The following SCAF8 variants were observed in gnomAD, a reference collection of about 807,000 sequenced individuals.
The protein encoded by SCAF8 is SR-related and CTD-associated factor 8.
In SCAF8, 23 loss-of-function variants were observed where a neutral mutation model predicts 140.5. That is an observed-to-expected ratio of 0.16 (90% confidence interval 0.12 to 0.23). The LOEUF is 0.23. Ranked by LOEUF, SCAF8 falls within the 10% of genes least tolerant of loss-of-function variation. The probability of loss-of-function intolerance (pLI) is 1.00; values close to 1 mark genes in which losing one functional copy is unlikely to be tolerated. For missense variants in SCAF8, 1,397 were observed against 1,555.7 expected (o/e 0.90, Z 1.72); for synonymous variants, 575 against 528.9 (o/e 1.09, Z -1.20).
intron 1 of SCAF8, among the ~76,000 whole-genome samples, chr6:154,769,172 A>G (rs79166314): frequency 3.3e-5 from 5 of 152,206 alleles, no homozygotes; most frequent in Non-Finnish European, 7.4e-5. Context: ...ATAATGTATT[A>G]TCCAGTATTT....
At chr6:154,746,737 A>G (rs888634028) in intron 1 of SCAF8, among the ~76,000 whole-genome samples, 5 of 152,210 alleles carry the variant, frequency 3.3e-5, no homozygotes, top group African/African-American at 1.2e-4. Flanking sequence ...ACTATGTACA[A>G]ACATTACTTG....
Position 154,805,416 on chromosome 6 carries a change from C to T in SCAF8, c.911C>T (p.Ala304Val), listed in dbSNP as rs753143829. The T allele has an allele frequency of 6.2e-7, 1 of 1,611,922 alleles. No individual in the cohort carries two copies. Among genetic ancestry groups the T allele is most frequent in the Non-Finnish European group, 8.5e-7 (1 of 1,178,556 alleles). ...SVNNSIFHQI[A>V]EQLQQQNLEH... ...AACAATTCCATTTTTCATCAGATAGCAGAACAACTACAACAGCAAAACCTA... is the reference window on the plus strand; with the variant it reads ...AACAATTCCATTTTTCATCAGATAGTAGAACAACTACAACAGCAAAACCTA... The change falls in exon 9 of 20, where the codon GCA becomes GTA. Residue 304 changes from alanine (A) to valine (V), a missense_variant. By Grantham distance (64) the Ala-to-Val change is moderately conservative. Transcript: ENST00000367178.
chr6:154,778,675 A>G (rs940645919), intron 3 of SCAF8, among the ~76,000 whole-genome samples: 1 of 152,016 alleles, frequency 6.6e-6, no homozygotes, highest in African/African-American at 2.4e-5. Flanking sequence ...GAGGCACAAG[A>G]ATTGCTTGAA....
chr6:154,780,357 T>C (rs1485894609), intron 3 of SCAF8, among the ~76,000 whole-genome samples: 1 of 150,736 alleles, frequency 6.6e-6, no homozygotes, highest in African/African-American at 2.4e-5. Flanking sequence ...TTCCTTCCTT[T>C]TTTTTTTTTT....
At chr6:154,778,777 G>A (rs1323255869) in intron 3 of SCAF8, among the ~76,000 whole-genome samples, 1 of 148,834 alleles carries the variant, frequency 6.7e-6, no homozygotes, top group Non-Finnish European at 1.5e-5. Context: ...AAATGTGTGT[G>A]TGTGTGTGTG....
At chr6:154,823,139 G>T (rs958408881) in intron 16 of SCAF8, among the ~76,000 whole-genome samples, 3 of 152,202 alleles carry the variant, frequency 2.0e-5, no homozygotes, top group Non-Finnish European at 4.4e-5. Context: ...GTGTGGTCCA[G>T]GAGTGTTAAG....
At chr6:154,812,016 T>C (rs1020698397) in intron 12 of SCAF8, among the ~76,000 whole-genome samples, 2 of 152,236 alleles carry the variant, frequency 1.3e-5, no homozygotes, top group South Asian at 2.1e-4. Context: ...GTTTACATAG[T>C]TTTTAACTGT....
At position 154,823,635 on chromosome 6, in the gene SCAF8, CTG is replaced by C. The variant is rs1778483697; in HGVS notation, c.1927-596_1927-595del. On this transcript the variant is annotated intron_variant, in intron 16 of 19. Coordinates refer to ENST00000367178, the MANE Select transcript of SCAF8 (RefSeq NM_014892.5). ...TACCATTATCTGAGACTGGGAAAGA[CTG>C]TGAGAAGAGTTCTTTTGGGAAGGAC... Among the ~76,000 whole-genome samples, 8 of 152,184 alleles carry C rather than the reference CTG, an allele frequency of 5.3e-5. No individual in the cohort carries two copies. In the South Asian group the frequency reaches 1.7e-3, roughly 32 times the overall value.
intron 17 of SCAF8, among the ~76,000 whole-genome samples, chr6:154,826,810 G>A (rs1778578227): frequency 6.6e-6 from 1 of 152,202 alleles, no homozygotes. Context: ...CAGAGTTAAC[G>A]GAAATATTTT....
intron 1 of SCAF8, among the ~76,000 whole-genome samples, chr6:154,767,654 C>G (rs1030663201): frequency 2.7e-5 from 4 of 150,624 alleles, no homozygotes; most frequent in African/African-American, 9.8e-5. Context: ...ATCCTCACAC[C>G]TCAGCCTGTA....
chr6:154,797,345 T>C (rs1425771265), intron 6 of SCAF8, among the ~76,000 whole-genome samples: 1 of 151,524 alleles, frequency 6.6e-6, no homozygotes. Flanking sequence ...GCTGCTTCTC[T>C]TTCCTTTTTG....
At position 154,807,772 on chromosome 6, in the gene SCAF8, AATTT is replaced by A. The variant is rs551601154; in HGVS notation, c.982-290_982-287del. 1.1e-3 allele frequency among the ~76,000 whole-genome samples: 170 copies of A among 152,320 alleles called. 1 individual carries two copies. The highest frequency in any genetic ancestry group is 3.9e-3 in the African/African-American group (163 of 41,568). On this transcript the variant is annotated intron_variant, in intron 9 of 19. Coordinates refer to ENST00000367178, the MANE Select transcript of SCAF8 (RefSeq NM_014892.5). ...TGCCATTATGTATTTTTCATGCTAT[AATTT>A]ATTTATTAGTCCTCTGTAGTTTATA...
In SCAF8 at chr6:154,742,788, A is replaced by T. The variant is rs562656829; in HGVS notation, c.30+8858A>T. On this transcript the variant is annotated intron_variant, in intron 1 of 19. Coordinates refer to ENST00000367178, the MANE Select transcript of SCAF8 (RefSeq NM_014892.5). ...ACTATGTTGCTCATGTTCTCTAAAG[A>T]CAATTTTGACTATTAAGTTGATGTA... is the stretch of plus-strand genomic sequence containing the variant. Among the ~76,000 whole-genome samples the T allele has an allele frequency of 4.6e-5, 7 of 152,314 alleles. No homozygotes were observed. The South Asian group carries it at 1.4e-3, about 32-fold the overall frequency.
At chr6:154,812,546 C>A (rs9371352) in intron 12 of SCAF8, among the ~76,000 whole-genome samples, 1 of 151,792 alleles carries the variant, frequency 6.6e-6, no homozygotes, top group African/African-American at 2.4e-5. Flanking sequence ...GATTGTTTAC[C>A]TCACAACTCT....
At chr6:154,796,383 C>CTG (rs1306103519) in intron 6 of SCAF8, among the ~76,000 whole-genome samples, 18 of 144,134 alleles carry the variant, frequency 1.2e-4, no homozygotes, top group East Asian at 1.1e-3. Context: ...CTCTCTCTCT[C>CTG]TCTCTCTCTG....
chr6:154,796,333 G>C (rs1030590260), intron 6 of SCAF8, among the ~76,000 whole-genome samples: 5 of 136,786 alleles, frequency 3.7e-5, no homozygotes, highest in African/African-American at 1.4e-4. Flanking sequence ...TCATTATAAT[G>C]ATTCAGCATT....
intron 1 of SCAF8, among the ~76,000 whole-genome samples, chr6:154,756,357 C>G (rs75583528): frequency 6.6e-6 from 1 of 152,252 alleles, no homozygotes; most frequent in Admixed American, 6.5e-5. Flanking sequence ...AGGCTGAGAA[C>G]CCACTATTTT....
At chr6:154,763,551 A>G (rs1776465742) in intron 1 of SCAF8, among the ~76,000 whole-genome samples, 3 of 152,172 alleles carry the variant, frequency 2.0e-5, no homozygotes. Flanking sequence ...GTCATAGTAG[A>G]ATTCATTTCA....
At chr6:154,749,169 C>T (rs566679772) in intron 1 of SCAF8, among the ~76,000 whole-genome samples, 37 of 152,200 alleles carry the variant, frequency 2.4e-4, no homozygotes, top group Non-Finnish European at 4.4e-4. Flanking sequence ...CTCGAACTCC[C>T]GACCTCGGTG....
Sources: gnomAD v4.1 joint callset for allele counts (sites outside exome capture counted in the v4.1 genomes callset) on GRCh38, gnomAD v4.1.1 for gene constraint, MANE v1.5 for transcripts, NCBI Gene and HGNC (gene_info 2026-07-23, HGNC 2026-07-21) for gene names.